CLGN: variants seen among roughly 807,000 people sequenced by gnomAD.
CLGN encodes calmegin.
A neutral mutation model predicts 79.1 loss-of-function variants in CLGN; 62 were observed. The ratio of observed to expected loss-of-function variants is 0.78; its 90% CI spans 0.64 to 0.97. CLGN has a LOEUF of 0.97. Ranked by LOEUF, CLGN falls within the 50% of genes least tolerant of loss-of-function variation. CLGN has a pLI of 0.00. For synonymous variants in CLGN, 225 were observed against 224.7 expected (o/e 1.00, Z -0.01); for missense variants, 647 against 715.5 (o/e 0.90, Z 1.09).
In CLGN at chr4:140,395,822, ATAGT is replaced by A. The variant is rs1262458123; in HGVS notation, c.1142_1145del (p.Asn381IlefsTer24). ...AATTGGAACAAGCGGTTGTTACCTG[ATAGT>A]TAGGATTATCGACCAGTGGAGGTCT... On this transcript the variant is annotated frameshift_variant, in exon 10 of 15. Transcript: ENST00000325617. LOFTEE classifies it high-confidence loss of function. The A allele has an allele frequency of 6.1e-6, 9 of 1,475,388 alleles. No individual in the cohort carries two copies. The African/African-American group carries it at 7.1e-5, about 12-fold the overall frequency. 91.4% of individuals were successfully genotyped at this position (1,475,388 alleles called of 1,614,324 possible).
Position 140,398,979 on chromosome 4 carries a change from G to T in CLGN, c.756C>A (p.Ser252Arg). The T allele has an allele frequency of 6.2e-7, 1 of 1,613,762 alleles. No individual in the cohort carries two copies. The highest frequency in any genetic ancestry group is 8.5e-7 in the Non-Finnish European group (1 of 1,179,834). ...TAGGAGGAACCACATCCTCTAGGAG[G>T]CTTCCTTTGTTTACAACTGTTTGAT... is the stretch of plus-strand genomic sequence containing the variant. ...LVDQTVVNKG[S>R]LLEDVVPPIK... is the part of the protein sequence containing the mutation. The change falls in exon 8 of 15, where the codon AGC (serine) becomes AGA (arginine). Residue 252 changes from serine (S) to arginine (R), a missense_variant. Coordinates refer to ENST00000325617, the MANE Select transcript of CLGN (RefSeq NM_004362.3).
At chr4:140,422,068 T>C (rs1729480874) in intron 1 of CLGN, among the ~76,000 whole-genome samples, 1 of 152,148 alleles carries the variant, frequency 6.6e-6, no homozygotes, top group South Asian at 2.1e-4. Context: ...CTTGGCACTT[T>C]TATAAAAAAA....
intron 5 of CLGN, among the ~76,000 whole-genome samples, chr4:140,403,054 TA>T (rs200177843): frequency 3.9e-5 from 6 of 152,062 alleles, no homozygotes; most frequent in East Asian, 3.9e-4. Context: ...TATTTTGTAT[TA>T]AAAAAAAGGA....
At chr4:140,427,257 C>T (rs908568259) in intron 1 of CLGN, among the ~76,000 whole-genome samples, 28 of 152,184 alleles carry the variant, frequency 1.8e-4, no homozygotes, top group African/African-American at 6.5e-4. Context: ...CCAGCCCGGG[C>T]GCAGCAGGTG....
intron 5 of CLGN, 62 bp downstream of exon 5, chr4:140,405,880 A>C: frequency 6.6e-7 from 1 of 1,511,998 alleles, no homozygotes; most frequent in Non-Finnish European, 8.9e-7. Flanking sequence ...TACAAGCTAT[A>C]TTCAGAAGCC....
In CLGN at chr4:140,390,483, A is replaced by G. The variant is rs576356450; in HGVS notation, c.1752+145T>C. 7 of 445,052 alleles carry G rather than the reference A, an allele frequency of 1.6e-5. No individual in the cohort carries two copies. The South Asian group carries it at 3.3e-4, about 21-fold the overall frequency. 27.6% of individuals were successfully genotyped at this position (445,052 alleles called of 1,614,324 possible). A position where few individuals can be genotyped will look rare whatever the true frequency, so the allele number is the denominator to read the frequency against. On this transcript the variant is annotated intron_variant, in intron 14 of 14. Transcript: ENST00000325617. ...AGTATTTTTCTTTCCTTCCTTATGG[A>G]TATGTTTTAAAAACAATATAGAGGC...
rs190095524 is a variant in CLGN at position 140,421,362 on chromosome 4, G to T, written c.-10+6175C>A. The stretch of plus-strand genomic sequence containing the variant: ...TCATATGATAATTCTATTTTTTTTT[G>T]AATCCTCATACTGTTTTCCACAGTG... On this transcript the variant is annotated intron_variant, in intron 1 of 14. Coordinates refer to ENST00000325617, the MANE Select transcript of CLGN (RefSeq NM_004362.3). Among the ~76,000 whole-genome samples the T allele has an allele frequency of 3.1e-4, 46 of 150,274 alleles. 1 individual carries two copies. Among genetic ancestry groups the T allele is most frequent in the Admixed American group, 2.7e-3 (41 of 15,146 alleles).
At chr4:140,420,118 T>A (rs989212594) in intron 1 of CLGN, among the ~76,000 whole-genome samples, 14 of 152,088 alleles carry the variant, frequency 9.2e-5, no homozygotes, top group Non-Finnish European at 1.8e-4. Context: ...TCCAAACAAT[T>A]AATTTGTTGA....
intron 5 of CLGN, among the ~76,000 whole-genome samples, chr4:140,405,400 G>A (rs1729087659): frequency 6.7e-6 from 1 of 150,216 alleles, no homozygotes; most frequent in Admixed American, 6.6e-5. Context: ...TAGCCAGGAT[G>A]GTCTCGATCT....
chr4:140,399,360 T>A (rs566214847), intron 7 of CLGN, among the ~76,000 whole-genome samples: 1 of 152,230 alleles, frequency 6.6e-6, no homozygotes, highest in Non-Finnish European at 1.5e-5. Context: ...TACAAGCTAA[T>A]CTTTTTCAGC....
In CLGN at chr4:140,393,998, T is replaced by G. The variant is rs147434096; in HGVS notation, c.1193A>C (p.Glu398Ala). Residue 398 changes from glutamate to alanine, a missense_variant, in exon 11 of 15, where the codon GAA (glutamate) becomes GCA (alanine). Transcript: ENST00000325617. ...AGTCAGAAGAAATGGATGATCATCT[T>G]CGAAATAATCTGGATTAGGAATTTT... is the stretch of plus-strand genomic sequence containing the variant. ...PRKIPNPDYFEDDHPFLLTSF... is the reference protein window; with the variant it reads ...PRKIPNPDYFADDHPFLLTSF... The G allele has an allele frequency of 1.9e-3, 3,011 of 1,613,700 alleles. 7 individuals carry two copies. The highest frequency in any genetic ancestry group is 2.2e-3 in the Non-Finnish European group (2,624 of 1,179,758).
chr4:140,405,516 G>A (rs1729090635), intron 5 of CLGN, among the ~76,000 whole-genome samples: 1 of 152,128 alleles, frequency 6.6e-6, no homozygotes, highest in Non-Finnish European at 1.5e-5. Context: ...AAACAAAAAT[G>A]GTGATTTTTA....
At chr4:140,404,583 C>T (rs1729063112) in intron 5 of CLGN, among the ~76,000 whole-genome samples, 1 of 152,184 alleles carries the variant, frequency 6.6e-6, no homozygotes, top group East Asian at 1.9e-4. Flanking sequence ...AGGAGACAAA[C>T]ATTCACTCTC....
intron 13 of CLGN, among the ~76,000 whole-genome samples, chr4:140,391,714 A>C (rs1240394996): frequency 5.3e-5 from 8 of 151,878 alleles, no homozygotes; most frequent in Non-Finnish European, 1.0e-4. Context: ...TCAAGAGTTT[A>C]ACATAGGGTG....
At chr4:140,405,915 A>G in intron 5 of CLGN, 27 bp downstream of exon 5, 1 of 1,578,596 alleles carries the variant, frequency 6.3e-7, no homozygotes, top group Admixed American at 1.9e-5. Context: ...ATTCAGAAAA[A>G]GTATTCAAAA....
rs970742634 is a variant in CLGN at position 140,408,904 on chromosome 4, T to C, written c.277+933A>G. Among the ~76,000 whole-genome samples, 15 of 149,906 alleles carry C rather than the reference T, an allele frequency of 1.0e-4. No individual in the cohort carries two copies. In the South Asian group the frequency reaches 1.9e-3, roughly 19 times the overall value. ...ATATATACACACACACACATATATA[T>C]ACACACATATATGTGTATATGTATA... is the stretch of plus-strand genomic sequence containing the variant. On this transcript the variant is annotated intron_variant, in intron 4 of 14. Transcript: ENST00000325617.
At chr4:140,396,894 T>C (rs867194240) in intron 8 of CLGN, among the ~76,000 whole-genome samples, 1 of 69,010 alleles carries the variant, frequency 1.4e-5, no homozygotes, top group Non-Finnish European at 3.0e-5. Context: ...TATATATGTA[T>C]ATATATATAT....
At chr4:140,421,978 C>T (rs545318657) in intron 1 of CLGN, among the ~76,000 whole-genome samples, 1 of 152,186 alleles carries the variant, frequency 6.6e-6, no homozygotes, top group South Asian at 2.1e-4. Flanking sequence ...GGTAAGGTTA[C>T]AACCTCATTC....
At chr4:140,413,672 G>A (rs1359248672) in intron 1 of CLGN, among the ~76,000 whole-genome samples, 2 of 152,228 alleles carry the variant, frequency 1.3e-5, no homozygotes, top group Admixed American at 1.3e-4. Flanking sequence ...GGCGCACCAC[G>A]AGATTATATC....
Sources: gnomAD v4.1 joint callset for allele counts (sites outside exome capture counted in the v4.1 genomes callset) on GRCh38, gnomAD v4.1.1 for gene constraint, MANE v1.5 for transcripts, NCBI Gene and HGNC (gene_info 2026-07-23, HGNC 2026-07-21) for gene names.